Variants in GATA4 observed in about 807,000 individuals in gnomAD.
GATA4 encodes GATA binding protein 4.
In GATA4, 7 loss-of-function variants were observed where a neutral mutation model predicts 37.9. The observed-to-expected ratio is 0.18, with a 90% confidence interval of 0.11 to 0.35. The LOEUF is 0.35. Ranked by LOEUF, GATA4 falls within the 10% of genes least tolerant of loss-of-function variation. The pLI, the probability that GATA4 is intolerant of heterozygous loss-of-function variation, is 1.00. For missense variants in GATA4, 647 were observed against 653.0 expected (o/e 0.99, Z 0.10); for synonymous variants, 372 against 292.6 (o/e 1.27, Z -2.77).
In GATA4 at chr8:11,709,577, G is replaced by GA. The variant is rs1554488908; in HGVS notation, c.616+649_616+650insA. On this transcript the variant is annotated intron_variant, in intron 2 of 6. Coordinates refer to ENST00000532059, the MANE Select transcript of GATA4 (RefSeq NM_001308093.3). This position sits in a 1 kb window ranked among gnomAD's most constrained non-coding sequence, Gnocchi z 4.3. Reference sequence around the variant, plus strand: ...GCGTGGGCGCATCATGCGGGCAGCGGGGGGGGGGGCGCACACGCCCGGTCA... The same window carrying GA: ...GCGTGGGCGCATCATGCGGGCAGCGGAGGGGGGGGGCGCACACGCCCGGTCA... Among the ~76,000 whole-genome samples, 2 of 136,464 alleles carry GA rather than the reference G, an allele frequency of 1.5e-5. No individual in the cohort carries two copies. The highest frequency in any genetic ancestry group is 3.1e-5 in the Non-Finnish European group (2 of 63,522). 89.5% of individuals were successfully genotyped at this position (136,464 alleles called of 152,430 possible).
rs868805642 is a variant in GATA4, at chr8:11,707,004, C to G, written c.-457-852C>G. 6.6e-6 allele frequency among the ~76,000 whole-genome samples: 1 copy of G among 152,178 alleles called. No individual in the cohort carries two copies. Among genetic ancestry groups the G allele is most frequent in the African/African-American group, 2.4e-5 (1 of 41,426 alleles). ...ATATAATCAAGTTCCACAAACTGCT[C>G]TTTCCCCAAGCACCCACCTTGGTGT... On this transcript the variant is annotated intron_variant, in intron 1 of 6. Transcript: ENST00000532059. The surrounding 1 kb of genome is among the most constrained non-coding windows in gnomAD (Gnocchi z 4.7).
At chr8:11,730,836 G>A (rs1302223862) in intron 2 of GATA4, among the ~76,000 whole-genome samples, 2 of 152,238 alleles carry the variant, frequency 1.3e-5, no homozygotes, top group African/African-American at 2.4e-5. Flanking sequence ...CAGAAGGCCC[G>A]AGGCTGGCGG....
At chr8:11,731,556 G>T (rs1801210691) in intron 2 of GATA4, among the ~76,000 whole-genome samples, 1 of 152,206 alleles carries the variant, frequency 6.6e-6, no homozygotes, top group Non-Finnish European at 1.5e-5. Flanking sequence ...GCAGAAGAGG[G>T]GTTGCCAGGT....
At position 11,758,472 on chromosome 8, in the gene GATA4, G is replaced by A. The variant is rs745735974; in HGVS notation, c.1329G>A (p.Ala443=). 78 of 1,614,002 alleles carry A rather than the reference G, an allele frequency of 4.8e-5. No individual in the cohort carries two copies. The East Asian group carries it at 7.4e-4, about 15-fold the overall frequency. The change falls in exon 7 of 7, where the codon GCG becomes GCA. Residue 443 remains alanine, a synonymous_variant. Transcript: ENST00000532059. ...LADSHGDIIT[A] Reference sequence around the variant, plus strand: ...ACAGTCACGGGGACATAATCACTGCGTAATCTTCCCTCTTCCCTCCTCAAA... The same window carrying A: ...ACAGTCACGGGGACATAATCACTGCATAATCTTCCCTCTTCCCTCCTCAAA...
At chr8:11,680,128 G>C (rs557460867) in intron 1 of GATA4, among the ~76,000 whole-genome samples, 1 of 152,236 alleles carries the variant, frequency 6.6e-6, no homozygotes, top group Non-Finnish European at 1.5e-5. Context: ...CGCGCAGCCC[G>C]CGGGGAAAAC....
At chr8:11,752,629 C>A (rs1383827908) in intron 4 of GATA4, among the ~76,000 whole-genome samples, 3 of 152,100 alleles carry the variant, frequency 2.0e-5, no homozygotes, top group Non-Finnish European at 2.9e-5. Context: ...CAAACCAAGT[C>A]AATAGATATA....
At chr8:11,730,004 C>T (rs1410407567) in intron 2 of GATA4, among the ~76,000 whole-genome samples, 2 of 152,154 alleles carry the variant, frequency 1.3e-5, no homozygotes, top group East Asian at 1.9e-4. Flanking sequence ...TGGCTCACTG[C>T]AGTCTTTACC....
At chr8:11,699,377 C>T (rs1799598367), upstream of GATA4, among the ~76,000 whole-genome samples, 1 of 152,146 alleles carries the variant, frequency 6.6e-6, no homozygotes, top group Admixed American at 6.5e-5. Flanking sequence ...GAATTGGGGC[C>T]TGTGTCACCA....
At chr8:11,678,051 T>C (rs1374244371) in intron 1 of GATA4, among the ~76,000 whole-genome samples, 2 of 113,112 alleles carry the variant, frequency 1.8e-5, no homozygotes, top group Admixed American at 8.7e-5. Context: ...ATAATAATAA[T>C]AATAATAAAT....
At chr8:11,734,565 C>A (rs369821765) in intron 2 of GATA4, among the ~76,000 whole-genome samples, 1 of 152,220 alleles carries the variant, frequency 6.6e-6, no homozygotes, top group Admixed American at 6.5e-5. Flanking sequence ...CGGCTCACTG[C>A]AACCTCCGCC....
intron 2 of GATA4, among the ~76,000 whole-genome samples, chr8:11,732,491 A>G (rs1461030137): frequency 6.6e-6 from 1 of 152,232 alleles, no homozygotes; most frequent in African/African-American, 2.4e-5. Context: ...CAACAAAACA[A>G]AACAGAAGGA....
chr8:11,724,567 G>T (rs569446752), intron 2 of GATA4, among the ~76,000 whole-genome samples: 2 of 152,172 alleles, frequency 1.3e-5, no homozygotes, highest in Admixed American at 6.5e-5. Context: ...CCTGAAACCC[G>T]CCCTGTGTTG....
At chr8:11,751,547 T>C (rs1802304511) in intron 4 of GATA4, among the ~76,000 whole-genome samples, 1 of 152,186 alleles carries the variant, frequency 6.6e-6, no homozygotes, top group Non-Finnish European at 1.5e-5. Flanking sequence ...GTCTTAATTG[T>C]TCAAATACAA....
chr8:11,698,062 T>C (rs1799560179), intron 1 of GATA4: 1 of 966,084 alleles, frequency 1.0e-6, no homozygotes, highest in South Asian at 4.8e-5. Context: ...TTCTCTCTCC[T>C]CCCACCCAGG....
chr8:11,679,485 A>G (rs1226765735), intron 1 of GATA4, among the ~76,000 whole-genome samples: 2 of 152,214 alleles, frequency 1.3e-5, no homozygotes, highest in Non-Finnish European at 2.9e-5. Context: ...GAGGGCCGGG[A>G]GGAGAGGAGA....
At chr8:11,681,473 G>C (rs1018163054) in intron 1 of GATA4, 1 of 941,106 alleles carries the variant, frequency 1.1e-6, no homozygotes, top group Non-Finnish European at 1.2e-6. Flanking sequence ...CCCGGTCCCC[G>C]CGCGGGGTGC....
At chr8:11,735,449 GTTAA>G (rs1005924761) in intron 2 of GATA4, among the ~76,000 whole-genome samples, 3 of 152,226 alleles carry the variant, frequency 2.0e-5, no homozygotes, top group Non-Finnish European at 2.9e-5. Flanking sequence ...AAATAAAAAT[GTTAA>G]TTAATGCAGT....
At chr8:11,744,539 G>C (rs1444732938) in intron 2 of GATA4, among the ~76,000 whole-genome samples, 2 of 152,234 alleles carry the variant, frequency 1.3e-5, no homozygotes, top group South Asian at 4.1e-4. Context: ...GGAATGAGAA[G>C]TGGTGCTTAC....
intron 1 of GATA4, chr8:11,680,898 C>G (rs1798946841): frequency 3.0e-6 from 3 of 985,254 alleles, no homozygotes; most frequent in South Asian, 4.7e-5. Flanking sequence ...GTGTGAGACC[C>G]CTAAAGAGGC....
Sources: gnomAD v4.1 joint callset for allele counts (sites outside exome capture counted in the v4.1 genomes callset) on GRCh38, gnomAD v4.1.1 for gene constraint, Gnocchi (gnomAD v3.1) non-coding constraint, MANE v1.5 for transcripts, NCBI Gene and HGNC (gene_info 2026-07-23, HGNC 2026-07-21) for gene names.